Variants in TTC27 observed in about 807,000 individuals in gnomAD.
The protein encoded by TTC27 is tetratricopeptide repeat protein 27.
TTC27 carries 79 observed loss-of-function variants against 115.9 expected under a neutral mutation model. The ratio of observed to expected loss-of-function variants is 0.68; its 90% CI spans 0.57 to 0.82. TTC27 has a LOEUF of 0.82. Among genes scored for constraint, TTC27 ranks in the 40% least tolerant of loss-of-function variants. The pLI is 0.00. For synonymous variants in TTC27, 401 were observed against 356.0 expected (o/e 1.13, Z -1.42); for missense variants, 1,054 against 993.1 (o/e 1.06, Z -0.82).
intron 18 of TTC27, among the ~76,000 whole-genome samples, chr2:32,816,766 T>C (rs1671514443): frequency 6.6e-6 from 1 of 152,100 alleles, no homozygotes; most frequent in Non-Finnish European, 1.5e-5. Context: ...CAAACCCTGA[T>C]TATGAAAATG....
At chr2:32,730,162 G>T (rs900962621) in intron 10 of TTC27, among the ~76,000 whole-genome samples, 1 of 152,154 alleles carries the variant, frequency 6.6e-6, no homozygotes, top group Non-Finnish European at 1.5e-5. Context: ...CACATGGTTT[G>T]CTTCTAATGA....
Position 32,811,072 on chromosome 2 carries a change from A to C in TTC27, c.2047A>C (p.Ser683Arg), listed in dbSNP as rs1180785636. The C allele has an allele frequency of 6.2e-7, 1 of 1,614,176 alleles. No homozygotes were observed. Among genetic ancestry groups the C allele is most frequent in the African/African-American group, 1.3e-5 (1 of 75,050 alleles). Residue 683 changes from serine (S) to arginine (R), a missense_variant, in exon 17 of 20, where the codon AGT becomes CGT. Ser to Arg is a moderately radical substitution (Grantham distance 110). Transcript: ENST00000317907. ...AGTGATTGATGGGATGACTGATCGA[A>C]GTGGAGATGTTGCAACTGGCCTCAA... is the stretch of plus-strand genomic sequence containing the variant. ...RAVIDGMTDR[S>R]GDVATGLKGK...
intron 7 of TTC27, among the ~76,000 whole-genome samples, chr2:32,669,452 G>C (rs984028524): frequency 3.9e-5 from 6 of 152,152 alleles, no homozygotes; most frequent in Non-Finnish European, 7.3e-5. Flanking sequence ...TGTTAAGTTG[G>C]TTATATATCA....
In TTC27 at chr2:32,775,751, T is replaced by C. The variant is rs541946120; in HGVS notation, c.1681-2131T>C. Among the ~76,000 whole-genome samples the C allele has an allele frequency of 3.3e-5, 5 of 152,348 alleles. No individual in the cohort carries two copies. The South Asian group carries it at 1.0e-3, about 32-fold the overall frequency. On this transcript the variant is annotated intron_variant, in intron 13 of 19. Coordinates refer to ENST00000317907, the MANE Select transcript of TTC27 (RefSeq NM_017735.5). ...AAAAAAATGTTGCCAATAAAACTGATAAGCTATTGGTTTTTCAGATGCATC... is the reference window on the plus strand; with the variant it reads ...AAAAAAATGTTGCCAATAAAACTGACAAGCTATTGGTTTTTCAGATGCATC...
At chr2:32,667,667 C>T (rs375034769) in intron 7 of TTC27, among the ~76,000 whole-genome samples, 49 of 151,096 alleles carry the variant, frequency 3.2e-4, no homozygotes, top group Non-Finnish European at 5.5e-4. Context: ...CCACCCGTCT[C>T]GGCCTCCCAA....
intron 10 of TTC27, among the ~76,000 whole-genome samples, chr2:32,712,747 A>G (rs1487124289): frequency 1.3e-5 from 2 of 152,056 alleles, no homozygotes; most frequent in Admixed American, 1.3e-4. Flanking sequence ...AGGTTTCACC[A>G]CATTACCCGG....
Position 32,652,395 on chromosome 2 carries a change from A to T in TTC27, c.640+2162A>T, listed in dbSNP as rs1665157154. On this transcript the variant is annotated intron_variant, in intron 5 of 19. Transcript: ENST00000317907. Reference sequence around the variant, plus strand: ...CAAAAAAATATATAAATAAATAAATAAAAATAAAATAAAATAAAAGGTAGG... The same window carrying T: ...CAAAAAAATATATAAATAAATAAATTAAAATAAAATAAAATAAAAGGTAGG... Among the ~76,000 whole-genome samples, 3 of 152,032 alleles carry T rather than the reference A, an allele frequency of 2.0e-5. No homozygotes were observed. The East Asian group carries it at 5.8e-4, about 29-fold the overall frequency.
At chr2:32,772,001 AT>A (rs1469846722) in intron 13 of TTC27, among the ~76,000 whole-genome samples, 5 of 152,204 alleles carry the variant, frequency 3.3e-5, no homozygotes, top group Non-Finnish European at 7.3e-5. Context: ...TTGAATACTG[AT>A]TATCAATGAT....
At chr2:32,696,788 G>C (rs1667002549) in intron 9 of TTC27, among the ~76,000 whole-genome samples, 1 of 152,136 alleles carries the variant, frequency 6.6e-6, no homozygotes, top group Non-Finnish European at 1.5e-5. Context: ...CTAATGCCTA[G>C]ATTTACTTTT....
chr2:32,664,077 G>A (rs1559194408), intron 5 of TTC27, among the ~76,000 whole-genome samples: 1 of 152,140 alleles, frequency 6.6e-6, no homozygotes, highest in Non-Finnish European at 1.5e-5. Context: ...TGGAATAAAG[G>A]AGATAGTGTA....
intron 12 of TTC27, among the ~76,000 whole-genome samples, chr2:32,740,570 C>A (rs1418365327): frequency 2.6e-5 from 4 of 152,204 alleles, no homozygotes; most frequent in East Asian, 3.9e-4. Context: ...ATTCTCACCC[C>A]AAGTAACTTC....
At chr2:32,762,795 C>T (rs1475954209) in intron 13 of TTC27, among the ~76,000 whole-genome samples, 1 of 152,208 alleles carries the variant, frequency 6.6e-6, no homozygotes. Context: ...GCACATGCCA[C>T]CATGCCCAGC....
intron 12 of TTC27, among the ~76,000 whole-genome samples, chr2:32,740,843 T>C (rs962025582): frequency 1.3e-5 from 2 of 152,040 alleles, no homozygotes; most frequent in Non-Finnish European, 2.9e-5. Context: ...TTAGTAGAGA[T>C]GAGGGTTCAC....
intron 10 of TTC27, among the ~76,000 whole-genome samples, chr2:32,710,140 C>T (rs867170115): frequency 1.3e-5 from 2 of 151,940 alleles, no homozygotes; most frequent in Non-Finnish European, 2.9e-5. Flanking sequence ...CTCAGCCTCC[C>T]GAGTAGCTGG....
At chr2:32,755,906 A>G (rs1401583383) in intron 12 of TTC27, among the ~76,000 whole-genome samples, 2 of 152,226 alleles carry the variant, frequency 1.3e-5, no homozygotes, top group Admixed American at 6.5e-5. Context: ...ATCACTCAAT[A>G]TGCAAAGCCG....
intron 9 of TTC27, 76 bp downstream of exon 9, chr2:32,678,998 ATTGT>A: frequency 7.5e-7 from 1 of 1,324,846 alleles, no homozygotes; most frequent in Non-Finnish European, 1.1e-6. Context: ...CTTGCCTTGG[ATTGT>A]TTATGTTGAA....
intron 10 of TTC27, among the ~76,000 whole-genome samples, chr2:32,730,516 A>G (rs1182247683): frequency 2.7e-5 from 4 of 150,042 alleles, no homozygotes; most frequent in African/African-American, 4.9e-5. Context: ...CACTATAACA[A>G]TGTCCCTGTC....
chr2:32,729,653 T>A (rs772336923), intron 10 of TTC27, among the ~76,000 whole-genome samples: 1 of 152,188 alleles, frequency 6.6e-6, no homozygotes, highest in Non-Finnish European at 1.5e-5. Context: ...AAGTCACCTC[T>A]GGTATATCCA....
At chr2:32,732,509 C>T (rs1046093444) in intron 10 of TTC27, among the ~76,000 whole-genome samples, 2 of 152,224 alleles carry the variant, frequency 1.3e-5, no homozygotes, top group Admixed American at 6.5e-5. Context: ...AGAAACTGGT[C>T]TCCCTGTCTT....
Sources: gnomAD v4.1 joint callset for allele counts (sites outside exome capture counted in the v4.1 genomes callset) on GRCh38, gnomAD v4.1.1 for gene constraint, MANE v1.5 for transcripts, NCBI Gene and HGNC (gene_info 2026-07-23, HGNC 2026-07-21) for gene names.